TTC29: variants seen among roughly 807,000 people sequenced by gnomAD.
TTC29 encodes tetratricopeptide repeat protein 29.
A neutral mutation model predicts 58.1 loss-of-function variants in TTC29; 49 were observed. That is an observed-to-expected ratio of 0.84 (90% CI 0.67 to 1.07). The LOEUF (loss-of-function observed/expected upper bound fraction) is 1.07, where lower values mean the gene tolerates loss of function less well. Ranked by LOEUF, TTC29 falls within the 50% of genes least tolerant of loss-of-function variation. The pLI, the probability that TTC29 is intolerant of heterozygous loss-of-function variation, is 0.00. For synonymous variants in TTC29, 209 were observed against 196.8 expected, an observed-to-expected ratio of 1.06 and a Z score of -0.52; for missense variants, 582 against 555.6, an observed-to-expected ratio of 1.05 and a Z score of -0.48.
intron 6 of TTC29, among the ~76,000 whole-genome samples, chr4:146,875,374 G>C (rs1203104624): frequency 6.6e-6 from 1 of 152,108 alleles, no homozygotes; most frequent in Non-Finnish European, 1.5e-5. Context: ...AATTTAGTAA[G>C]GTTAAGAATT....
chr4:146,893,313 G>A (rs536795442), intron 6 of TTC29, among the ~76,000 whole-genome samples: 23 of 152,188 alleles, frequency 1.5e-4, no homozygotes, highest in African/African-American at 4.6e-4. Flanking sequence ...AAACAGCATG[G>A]TACTGGTACC....
At chr4:146,799,559 G>A (rs1029555674) in intron 11 of TTC29, among the ~76,000 whole-genome samples, 2 of 152,082 alleles carry the variant, frequency 1.3e-5, no homozygotes, top group Non-Finnish European at 2.9e-5. Flanking sequence ...ATAAAACTAC[G>A]ATGATATCGT....
chr4:146,774,796 AATCTGTATCTCAG>A lies in TTC29; in HGVS notation c.1330+28648_1330+28660del, dbSNP rs1747971935. On this transcript the variant is annotated intron_variant, in intron 11 of 12. Transcript: ENST00000325106. ...TTGTTAGTTATCAATGATCTGTCTC[AATCTGTATCTCAG>A]ATCTGTATCAGTGATCTGTCTAATG... Among the ~76,000 whole-genome samples, 11 of 152,188 alleles carry A rather than the reference AATCTGTATCTCAG, an allele frequency of 7.2e-5. No homozygotes were observed. In the South Asian group the frequency reaches 2.1e-3, roughly 29 times the overall value.
chr4:146,829,126 C>G (rs10519825), intron 9 of TTC29, among the ~76,000 whole-genome samples: 1 of 152,116 alleles, frequency 6.6e-6, no homozygotes, highest in Non-Finnish European at 1.5e-5. Flanking sequence ...TTCAACCAGA[C>G]CTTAGAGAGT....
chr4:146,833,660 T>C, intron 9 of TTC29, 146 bp downstream of exon 9: 5 of 653,508 alleles, frequency 7.7e-6, no homozygotes, highest in South Asian at 4.9e-5. Flanking sequence ...TGGTTTAAAA[T>C]AACTTATGAT....
intron 4 of TTC29, among the ~76,000 whole-genome samples, chr4:146,911,394 A>G (rs73852737): frequency 0.076 from 11,630 of 152,226 alleles, 1,506 homozygotes; most frequent in African/African-American, 0.26. Flanking sequence ...TGAAATGAGC[A>G]TACTGGGGAG....
chr4:146,857,085 A>G (rs1252036442), intron 8 of TTC29, among the ~76,000 whole-genome samples: 2 of 152,040 alleles, frequency 1.3e-5, no homozygotes, highest in Non-Finnish European at 2.9e-5. Flanking sequence ...AGATTATATA[A>G]TAATTCTGAA....
intron 6 of TTC29, among the ~76,000 whole-genome samples, chr4:146,891,410 G>A (rs780977187): frequency 2.0e-4 from 30 of 152,074 alleles, no homozygotes; most frequent in Admixed American, 5.9e-4. Context: ...TACTTTGACC[G>A]TAGCCAATAA....
At chr4:146,872,927 C>A (rs28688218) in intron 7 of TTC29, among the ~76,000 whole-genome samples, 54,489 of 151,892 alleles carry the variant, frequency 0.36, 10,052 homozygotes, top group South Asian at 0.43. Flanking sequence ...TTCATTCCAG[C>A]ATTATTCATA....
intron 11 of TTC29, among the ~76,000 whole-genome samples, chr4:146,713,077 T>C (rs1348724908): frequency 1.4e-5 from 2 of 144,460 alleles, no homozygotes; most frequent in Non-Finnish European, 1.5e-5. Flanking sequence ...GTCAGTCTCC[T>C]GGGACACAGA....
chr4:146,894,825 C>T (rs1240456488), intron 6 of TTC29, among the ~76,000 whole-genome samples: 2 of 151,978 alleles, frequency 1.3e-5, no homozygotes, highest in Non-Finnish European at 2.9e-5. Flanking sequence ...CCTTTGATAC[C>T]TCTGTTGTTC....
chr4:146,822,793 C>T (rs1286162453), intron 9 of TTC29, among the ~76,000 whole-genome samples: 1 of 152,180 alleles, frequency 6.6e-6, no homozygotes, highest in Non-Finnish European at 1.5e-5. Flanking sequence ...TAATAGTTGT[C>T]ATTCTGACTG....
intron 6 of TTC29, among the ~76,000 whole-genome samples, chr4:146,877,553 C>A (rs1403556427): frequency 6.6e-6 from 1 of 152,088 alleles, no homozygotes; most frequent in East Asian, 1.9e-4. Context: ...ATACCCATGA[C>A]CCTCATTTTT....
At chr4:146,712,830 T>C (rs2149993129) in intron 11 of TTC29, among the ~76,000 whole-genome samples, 1 of 152,154 alleles carries the variant, frequency 6.6e-6, no homozygotes, top group African/African-American at 2.4e-5. Flanking sequence ...AGAGAGAGGA[T>C]GGTGCCACTG....
intron 9 of TTC29, among the ~76,000 whole-genome samples, chr4:146,822,753 C>T (rs1751934121): frequency 6.6e-6 from 1 of 152,190 alleles, no homozygotes; most frequent in African/African-American, 2.4e-5. Context: ...TCTCCACAGC[C>T]TCACCAGAAT....
rs1554002706 is a variant in TTC29, at chr4:146,708,328, A to ATACATG, written c.1331-778_1331-777insCATGTA. On this transcript the variant is annotated intron_variant, in intron 11 of 12. Transcript: ENST00000325106. ...GAAGTTTATATATATATATATATAT[A>ATACATG]TATATATATATATATATATATATAT... Among the ~76,000 whole-genome samples, 39 of 47,558 alleles carry ATACATG rather than the reference A, an allele frequency of 8.2e-4. 1 individual carries two copies. Among genetic ancestry groups the ATACATG allele is most frequent in the African/African-American group, 2.1e-3 (38 of 18,198 alleles). The allele number at this position is 47,558 out of a possible 152,430, so 31.2% of individuals were successfully genotyped here. A position where few individuals can be genotyped will look rare whatever the true frequency, so the allele number is the denominator to read the frequency against.
At chr4:146,869,839 T>C (rs1164706480) in intron 7 of TTC29, among the ~76,000 whole-genome samples, 1 of 151,926 alleles carries the variant, frequency 6.6e-6, no homozygotes, top group African/African-American at 2.4e-5. Context: ...GAAACAAAGT[T>C]AAGATAAAAT....
intron 8 of TTC29, among the ~76,000 whole-genome samples, chr4:146,860,237 G>C (rs1730138884): frequency 6.6e-6 from 1 of 152,048 alleles, no homozygotes; most frequent in South Asian, 2.1e-4. Flanking sequence ...CTTTCTGTCA[G>C]CTAAACATTA....
chr4:146,885,694 C>T (rs1037871245), intron 6 of TTC29, among the ~76,000 whole-genome samples: 11 of 151,858 alleles, frequency 7.2e-5, no homozygotes, highest in African/African-American at 9.7e-5. Context: ...GCTAGGTTGG[C>T]GCAAAAGTAA....
Sources: gnomAD v4.1 joint callset for allele counts (sites outside exome capture counted in the v4.1 genomes callset) on GRCh38, gnomAD v4.1.1 for gene constraint, MANE v1.5 for transcripts, NCBI Gene and HGNC (gene_info 2026-07-23, HGNC 2026-07-21) for gene names.